The following IRF8 variants were observed in gnomAD, a reference collection of about 807,000 sequenced individuals.
IRF8 encodes the protein interferon consensus sequence binding protein 1.
IRF8 carries 14 observed loss-of-function variants against 48.7 expected under a neutral mutation model. The observed-to-expected ratio is 0.29, with a 90% confidence interval of 0.19 to 0.45. The LOEUF (loss-of-function observed/expected upper bound fraction) is 0.45, where lower values mean the gene tolerates loss of function less well. IRF8 is among the 20% of genes least tolerant of loss of function. The pLI is 1.00. For missense variants in IRF8, 493 were observed against 580.7 expected (o/e 0.85, Z 1.55); for synonymous variants, 278 against 227.3 (o/e 1.22, Z -2.01).
At position 85,918,498 on chromosome 16, in the gene IRF8, G is replaced by A. The variant is rs1366430755; in HGVS notation, c.683G>A (p.Arg228His). The stretch of plus-strand genomic sequence containing the variant: ...ACCACCACCTGCCCCGAGGGCTGCC[G>A]CCTGTCCCTGAGCCAGCCTGGGCTG... Reference protein sequence around the residue: ...QATTTCPEGCRLSLSQPGLPG... With the variant: ...QATTTCPEGCHLSLSQPGLPG... Residue 228 changes from arginine (R) to histidine (H), a missense_variant, in exon 7 of 9, where the codon CGC (arginine) becomes CAC (histidine). Transcript: ENST00000268638. 1.9e-6 allele frequency: 3 copies of A among 1,593,574 alleles called. No homozygotes were observed. Among genetic ancestry groups the A allele is most frequent in the East Asian group, 2.2e-5 (1 of 44,690 alleles).
intron 1 of IRF8, among the ~76,000 whole-genome samples, chr16:85,900,210 G>C (rs1030443898): frequency 6.6e-6 from 1 of 152,092 alleles, no homozygotes; most frequent in African/African-American, 2.4e-5. Context: ...GGAGAGGGTG[G>C]GGTCTGCTGC....
chr16:85,909,128 G>A lies in IRF8; in HGVS notation c.313G>A (p.Glu105Lys). 4 of 1,614,144 alleles carry A rather than the reference G, an allele frequency of 2.5e-6. No homozygotes were observed. Among genetic ancestry groups the A allele is most frequent in the Non-Finnish European group, 2.5e-6 (3 of 1,180,020 alleles). ...VTDRSQLDIS[E>K]PYKVYRIVPE... Reference sequence around the variant, plus strand: ...GGACCGGTCCCAACTGGACATTTCCGAGCCATACAAAGTTTACCGAATTGT... The same window carrying A: ...GGACCGGTCCCAACTGGACATTTCCAAGCCATACAAAGTTTACCGAATTGT... The change falls in exon 3 of 9, where the codon GAG (glutamate) becomes AAG (lysine). Residue 105 changes from glutamate (E) to lysine (K), a missense_variant. Physicochemically the swap from Glu to Lys is moderately conservative, Grantham distance 56. This residue lies in a region of IRF8 where 408 missense variants were observed against 449.6 expected (regional missense o/e 0.91). Transcript: ENST00000268638.
Position 85,921,270 on chromosome 16 carries a change from G to A in IRF8, c.1269G>A (p.Gln423=), listed in dbSNP as rs1261028067. Residue 423 remains glutamine (Q), a synonymous_variant, in exon 9 of 9, where the codon CAG becomes CAA. Coordinates refer to ENST00000268638, the MANE Select transcript of IRF8 (RefSeq NM_002163.4). The stretch of plus-strand genomic sequence containing the variant: ...GATCATTTTTCAGAGAAAACCAACA[G>A]ATCACCGTCTAAGTGCGTCGCTTGG... ...HQRSFFRENQ[Q]ITV is the part of the protein sequence containing the mutation. The A allele has an allele frequency of 6.2e-7, 1 of 1,613,960 alleles. No individual in the cohort carries two copies. The highest frequency in any genetic ancestry group is 8.5e-7 in the Non-Finnish European group (1 of 1,180,040).
chr16:85,900,145 C>G (rs73263089), intron 1 of IRF8, among the ~76,000 whole-genome samples: 1,738 of 152,240 alleles, frequency 0.011, 32 homozygotes, highest in African/African-American at 0.039. Context: ...GCTTTCTGGT[C>G]TAGTGATGCG....
At chr16:85,903,533 G>A in intron 2 of IRF8, 1 of 343,650 alleles carries the variant, frequency 2.9e-6, no homozygotes, top group Non-Finnish European at 5.5e-6. Flanking sequence ...TTCCATTAGA[G>A]GCGATGCATA....
intron 3 of IRF8, among the ~76,000 whole-genome samples, chr16:85,911,075 T>G (rs1237506567): frequency 6.6e-6 from 1 of 152,196 alleles, no homozygotes; most frequent in East Asian, 1.9e-4. Flanking sequence ...GGTGTGTGTG[T>G]GTGCATGGCT....
At position 85,918,466 on chromosome 16, in the gene IRF8, C is replaced by T. The variant is rs1375829275; in HGVS notation, c.651C>T (p.Gly217=). The part of the protein sequence containing the change: ...ISFYYGGKLV[G]QATTTCPEGC... Reference sequence around the variant, plus strand: ...TCTACTATGGGGGCAAGCTGGTGGGCCAGGCCACCACCACCTGCCCCGAGG... The same window carrying T: ...TCTACTATGGGGGCAAGCTGGTGGGTCAGGCCACCACCACCTGCCCCGAGG... The change falls in exon 7 of 9, where the codon GGC becomes GGT. Residue 217 remains glycine, a synonymous_variant. Coordinates refer to ENST00000268638, the MANE Select transcript of IRF8 (RefSeq NM_002163.4). 7 of 1,590,350 alleles carry T rather than the reference C, an allele frequency of 4.4e-6. No individual in the cohort carries two copies. The highest frequency in any genetic ancestry group is 4.3e-6 in the Non-Finnish European group (5 of 1,175,284).
chr16:85,921,350 C>G lies in IRF8; in HGVS notation c.*68C>G. 1 of 1,512,930 alleles carries G rather than the reference C, an allele frequency of 6.6e-7. No homozygotes were observed. The highest frequency in any genetic ancestry group is 9.1e-7 in the Non-Finnish European group (1 of 1,096,594). The allele number at this position is 1,512,930 out of a possible 1,614,324, so 93.7% of individuals were successfully genotyped here. On this transcript the variant is annotated 3_prime_UTR_variant, in exon 9 of 9. Transcript: ENST00000268638. ...ATCTCCCTGTTACAGTGGCCCGCAT[C>G]ATGATTAAAGAATGTGGATCCCTCT... is the stretch of plus-strand genomic sequence containing the variant.
chr16:85,914,123 C>T (rs533192162), intron 5 of IRF8: 1 of 351,130 alleles, frequency 2.8e-6, no homozygotes, highest in Non-Finnish European at 5.5e-6. Flanking sequence ...GGCTCTCCCC[C>T]AGAGATAAGC....
rs548030779 is a variant in IRF8, at chr16:85,906,300, T to C, written c.175-2690T>C. Among the ~76,000 whole-genome samples the C allele has an allele frequency of 2.6e-4, 39 of 152,278 alleles. No individual in the cohort carries two copies. The East Asian group carries it at 6.6e-3, about 26-fold the overall frequency. On this transcript the variant is annotated intron_variant, in intron 2 of 8. Coordinates refer to ENST00000268638, the MANE Select transcript of IRF8 (RefSeq NM_002163.4). ...GTGCGTCAACAGGAGAAATAAGTTA[T>C]GGTGGAGGCTGAATGAGCCATAGTG... is the stretch of plus-strand genomic sequence containing the variant.
chr16:85,918,528 G>T lies in IRF8; in HGVS notation c.713G>T (p.Gly238Val). ...TCCCTGAGCCAGCCTGGGCTGCCCG[G>T]CACCAAGCTGTATGGGCCCGAGGGC... ...RLSLSQPGLP[G>V]TKLYGPEGLE... Residue 238 changes from glycine to valine, a missense_variant, in exon 7 of 9, where the codon GGC becomes GTC. Physicochemically the swap from Gly to Val is moderately radical, Grantham distance 109 (BLOSUM62 -3). Transcript: ENST00000268638. The T allele has an allele frequency of 1.3e-6, 2 of 1,599,982 alleles. No homozygotes were observed. The highest frequency in any genetic ancestry group is 1.7e-6 in the Non-Finnish European group (2 of 1,177,798).
intron 4 of IRF8, among the ~76,000 whole-genome samples, chr16:85,912,382 T>C (rs780867838): frequency 4.6e-5 from 7 of 152,284 alleles, no homozygotes; most frequent in Non-Finnish European, 8.8e-5. Flanking sequence ...GTGTGAGTAC[T>C]GCATAAATTC....
At chr16:85,900,692 CT>C (rs1904800750) in intron 1 of IRF8, among the ~76,000 whole-genome samples, 1 of 152,220 alleles carries the variant, frequency 6.6e-6, no homozygotes, top group Non-Finnish European at 1.5e-5. Context: ...TCAGTTTTTC[CT>C]CTCTTAAATA....
chr16:85,916,359 C>G (rs918395931), intron 6 of IRF8, among the ~76,000 whole-genome samples: 24 of 152,230 alleles, frequency 1.6e-4, no homozygotes, highest in African/African-American at 5.5e-4. Context: ...TTGTTGCTGC[C>G]TCTGTGGTCA....
intron 1 of IRF8, among the ~76,000 whole-genome samples, chr16:85,900,582 G>A (rs924959936): frequency 6.6e-6 from 1 of 152,216 alleles, no homozygotes; most frequent in African/African-American, 2.4e-5. Context: ...GCTTTTCTCT[G>A]CACCATGTGT....
intron 6 of IRF8, among the ~76,000 whole-genome samples, chr16:85,916,873 G>A (rs1158174140): frequency 6.6e-6 from 1 of 152,136 alleles, no homozygotes; most frequent in African/African-American, 2.4e-5. Flanking sequence ...GAGCAGGGAA[G>A]AGCGAGACCA....
chr16:85,920,533 C>T (rs770601305), intron 8 of IRF8, among the ~76,000 whole-genome samples: 13 of 152,116 alleles, frequency 8.5e-5, no homozygotes, highest in East Asian at 3.9e-4. Context: ...CCACCTCGCC[C>T]GGCAGTCTGG....
At chr16:85,903,468 G>C in intron 2 of IRF8, 1 of 440,182 alleles carries the variant, frequency 2.3e-6, no homozygotes, top group Non-Finnish European at 4.2e-6. Context: ...TTCCTGATGA[G>C]CCAAGTGGGA....
intron 6 of IRF8, among the ~76,000 whole-genome samples, chr16:85,917,448 A>G (rs1905351849): frequency 6.6e-6 from 1 of 152,164 alleles, no homozygotes; most frequent in Admixed American, 6.5e-5. Context: ...TACTAACATC[A>G]TGTTTTTCCT....
Sources: gnomAD v4.1 joint callset for allele counts (sites outside exome capture counted in the v4.1 genomes callset) on GRCh38, gnomAD v4.1.1 for gene constraint, gnomAD v4.1.1 regional missense constraint, MANE v1.5 for transcripts, NCBI Gene and HGNC (gene_info 2026-07-23, HGNC 2026-07-21) for gene names.